Variants in FIP1L1 observed in about 807,000 individuals in gnomAD.
The protein encoded by FIP1L1 is factor interacting with PAPOLA and CPSF1, also known as pre-mRNA 3'-end-processing factor FIP1.
FIP1L1 carries 21 observed loss-of-function variants against 84.6 expected under a neutral mutation model. The ratio of observed to expected loss-of-function variants is 0.25; its 90% confidence interval spans 0.18 to 0.36. FIP1L1 has a LOEUF of 0.36. Among genes scored for constraint, FIP1L1 ranks in the 10% least tolerant of loss-of-function variants. The pLI, the probability that FIP1L1 is intolerant of heterozygous loss-of-function variation, is 1.00. For missense variants in FIP1L1, 526 were observed against 751.1 expected (o/e 0.70, Z 3.50); for synonymous variants, 263 against 242.3 (o/e 1.09, Z -0.80).
chr4:53,444,163 T>C (rs1376552954), intron 15 of FIP1L1, 60 bp downstream of exon 15: 1 of 1,100,052 alleles, frequency 9.1e-7, no homozygotes, highest in Non-Finnish European at 1.4e-6. Flanking sequence ...CTTGAATATT[T>C]TTAAAGCAAT....
Position 53,394,891 on chromosome 4 carries a change from G to C in FIP1L1, c.705+3393G>C, listed in dbSNP as rs1746415947. On this transcript the variant is annotated intron_variant, in intron 9 of 17. Transcript: ENST00000337488. ...AGGGTTTTTTTTTAAGATATTGTTT[G>C]TAAAGTTAAACTTTTACAAATGAAG... Among the ~76,000 whole-genome samples the C allele has an allele frequency of 1.3e-5, 2 of 151,820 alleles. 1 individual carries two copies. Among genetic ancestry groups the C allele is most frequent in the South Asian group, 4.1e-4 (2 of 4,822 alleles).
intron 9 of FIP1L1, among the ~76,000 whole-genome samples, chr4:53,392,957 A>C (rs1031523064): frequency 6.6e-6 from 1 of 152,182 alleles, no homozygotes; most frequent in Non-Finnish European, 1.5e-5. Flanking sequence ...GTTTGGTAGA[A>C]ATACTGATTT....
At chr4:53,431,828 G>A (rs1484997487) in intron 13 of FIP1L1, among the ~76,000 whole-genome samples, 2 of 152,174 alleles carry the variant, frequency 1.3e-5, no homozygotes, top group East Asian at 1.9e-4. Context: ...ATTATAAGGT[G>A]TTAGAGATAA....
At chr4:53,455,503 G>A (rs556555918) in intron 16 of FIP1L1, among the ~76,000 whole-genome samples, 1 of 152,154 alleles carries the variant, frequency 6.6e-6, no homozygotes, top group South Asian at 2.1e-4. Context: ...GTTTCTCAGG[G>A]AATAGGGAGA....
intron 7 of FIP1L1, 66 bp downstream of exon 7, chr4:53,390,694 G>T: frequency 9.9e-7 from 1 of 1,012,284 alleles, no homozygotes; most frequent in South Asian, 1.6e-5. Context: ...AAATTTTTTT[G>T]AACATCAATT....
At chr4:53,395,838 C>T (rs1578261020) in intron 9 of FIP1L1, among the ~76,000 whole-genome samples, 2 of 152,088 alleles carry the variant, frequency 1.3e-5, no homozygotes, top group African/African-American at 2.4e-5. Flanking sequence ...CTCAACAAAT[C>T]CTATTAGAAT....
In FIP1L1 at chr4:53,414,894, A is replaced by C. The variant is rs1346973688; in HGVS notation, c.923+172A>C. ...GTTACCTTATAAATCAAAACCCAGC[A>C]CTTGTCTTGCTACCCATCTTTCTGG... is the stretch of plus-strand genomic sequence containing the variant. On this transcript the variant is annotated intron_variant, in intron 11 of 17. Coordinates refer to ENST00000337488, the MANE Select transcript of FIP1L1 (RefSeq NM_030917.4). Among the ~76,000 whole-genome samples, 3 of 152,068 alleles carry C rather than the reference A, an allele frequency of 2.0e-5. No homozygotes were observed. The East Asian group carries it at 5.8e-4, about 29-fold the overall frequency.
At chr4:53,382,201 T>C (rs1738456399) in intron 3 of FIP1L1, 77 bp from the exon 4 acceptor site, 1 of 1,014,386 alleles carries the variant, frequency 9.9e-7, no homozygotes, top group Non-Finnish European at 1.5e-6. Flanking sequence ...TTATTAAAGC[T>C]TAGAAATACT....
chr4:53,459,563 A>G lies in FIP1L1; in HGVS notation c.*114A>G. ...CTTAAATCTTGTTCTGTTTGTTAGT[A>G]TGAAAAGTTAACTTTTTTTCCAAAA... On this transcript the variant is annotated 3_prime_UTR_variant, in exon 18 of 18. Transcript: ENST00000337488. 2.1e-6 allele frequency: 3 copies of G among 1,456,356 alleles called. No homozygotes were observed. The highest frequency in any genetic ancestry group is 4.6e-5 in the East Asian group (2 of 43,694). The allele number at this position is 1,456,356 out of a possible 1,614,324, so 90.2% of individuals were successfully genotyped here.
At chr4:53,433,781 G>A (rs1416523082) in intron 13 of FIP1L1, among the ~76,000 whole-genome samples, 1 of 152,182 alleles carries the variant, frequency 6.6e-6, no homozygotes, top group Non-Finnish European at 1.5e-5. Context: ...CTAGATACCA[G>A]ATGTGTAGGA....
intron 15 of FIP1L1, among the ~76,000 whole-genome samples, chr4:53,448,474 A>G (rs571939340): frequency 1.3e-5 from 2 of 152,120 alleles, no homozygotes; most frequent in Non-Finnish European, 2.9e-5. Context: ...AAAACTTGAG[A>G]TTTTGATTAA....
chr4:53,421,322 C>G (rs549045273), intron 11 of FIP1L1, among the ~76,000 whole-genome samples: 8 of 152,272 alleles, frequency 5.3e-5, no homozygotes, highest in African/African-American at 1.9e-4. Context: ...ATCAAAGGTG[C>G]ATGATACTTC....
intron 15 of FIP1L1, among the ~76,000 whole-genome samples, chr4:53,446,761 TAGAAAG>T (rs1774359017): frequency 6.6e-6 from 1 of 152,162 alleles, no homozygotes; most frequent in South Asian, 2.1e-4. Context: ...TACTCCATAT[TAGAAAG>T]AGAGTAATTC....
At chr4:53,433,052 AAT>A (rs1298729467) in intron 13 of FIP1L1, among the ~76,000 whole-genome samples, 9 of 152,274 alleles carry the variant, frequency 5.9e-5, no homozygotes, top group African/African-American at 2.2e-4. Context: ...TCAGTTTTGA[AAT>A]ATTTGTTTAT....
intron 13 of FIP1L1, 184 bp from the exon 14 acceptor site, chr4:53,442,469 A>C: frequency 1.8e-6 from 1 of 553,428 alleles, no homozygotes; most frequent in Non-Finnish European, 3.2e-6. Flanking sequence ...CTGCTTACTT[A>C]AAGTTTTATT....
At chr4:53,393,763 GGCCCC>G (rs1560498939) in intron 9 of FIP1L1, among the ~76,000 whole-genome samples, 8 of 5,838 alleles carry the variant, frequency 1.4e-3, no homozygotes, top group Non-Finnish European at 2.4e-3. Context: ...TTTTCCCCCC[GGCCCC>G]CCCCCCCCCC....
intron 10 of FIP1L1, among the ~76,000 whole-genome samples, chr4:53,407,329 T>A (rs1754166274): frequency 6.6e-6 from 1 of 152,192 alleles, no homozygotes; most frequent in South Asian, 2.1e-4. Context: ...TCTGAGTGAG[T>A]TTCTTAATCC....
intron 17 of FIP1L1, among the ~76,000 whole-genome samples, chr4:53,459,006 T>G (rs1271347228): frequency 6.6e-6 from 1 of 152,146 alleles, no homozygotes; most frequent in East Asian, 1.9e-4. Flanking sequence ...ATTTCCGGTT[T>G]TGAGTTAATG....
intron 15 of FIP1L1, among the ~76,000 whole-genome samples, chr4:53,449,717 C>T (rs1775635037): frequency 6.6e-6 from 1 of 152,058 alleles, no homozygotes; most frequent in African/African-American, 2.4e-5. Flanking sequence ...CCTTCACTCA[C>T]CTGTAAAAGG....
Sources: allele counts gnomAD v4.1 joint callset (sites outside exome capture counted in the v4.1 genomes callset), GRCh38; gene constraint gnomAD v4.1.1; transcripts MANE v1.5; gene names NCBI Gene and HGNC (gene_info 2026-07-23, HGNC 2026-07-21).